SLC25A48: variants seen among roughly 807,000 people sequenced by gnomAD.
The protein encoded by SLC25A48 is CTC-321K16.1.
SLC25A48 carries 29 observed loss-of-function variants against 32.2 expected under a neutral mutation model. That is an observed-to-expected ratio of 0.90 (90% CI 0.67 to 1.23). The LOEUF is 1.23. Ranked by LOEUF, SLC25A48 falls within the 50% of genes most tolerant of loss-of-function variation. The pLI is 0.00. For missense variants in SLC25A48, 399 were observed against 422.7 expected (o/e 0.94, Z 0.49); for synonymous variants, 164 against 172.3 (o/e 0.95, Z 0.38).
intron 3 of SLC25A48, among the ~76,000 whole-genome samples, chr5:135,809,072 C>T (rs537767880): frequency 5.9e-5 from 9 of 151,774 alleles, no homozygotes; most frequent in East Asian, 1.9e-4. Context: ...GAGGCTAAGA[C>T]GGGAGGATCG....
chr5:135,841,943 G>T (rs1002423061), intron 1 of SLC25A48, among the ~76,000 whole-genome samples: 1 of 152,094 alleles, frequency 6.6e-6, no homozygotes, highest in African/African-American at 2.4e-5. Context: ...AATAATCAAT[G>T]CACCCATCTG....
intron 3 of SLC25A48, among the ~76,000 whole-genome samples, chr5:135,710,417 T>C (rs1754625308): frequency 6.6e-6 from 1 of 152,192 alleles, no homozygotes; most frequent in South Asian, 2.1e-4. Context: ...GCCATTGCCG[T>C]CTCTTTTGCT....
chr5:135,687,557 C>G (rs1310655195), intron 3 of SLC25A48, among the ~76,000 whole-genome samples: 5 of 152,052 alleles, frequency 3.3e-5, no homozygotes, highest in African/African-American at 1.2e-4. Flanking sequence ...CAATTCAGGT[C>G]AAGTCTTTTT....
intron 1 of SLC25A48, among the ~76,000 whole-genome samples, chr5:135,589,591 G>T (rs1439721968): frequency 2.6e-5 from 4 of 152,206 alleles, no homozygotes. Flanking sequence ...CAGTGTATTT[G>T]GTGGTTGATG....
upstream of SLC25A48, chr5:135,579,175 C>G (rs1751174847): frequency 3.1e-6 from 1 of 319,898 alleles, no homozygotes; most frequent in Non-Finnish European, 5.7e-6. Flanking sequence ...GCGGCGCACA[C>G]CCGGAGCCAC....
chr5:135,747,716 A>G (rs983851260), intron 3 of SLC25A48, among the ~76,000 whole-genome samples: 12 of 152,212 alleles, frequency 7.9e-5, no homozygotes, highest in African/African-American at 2.7e-4. Flanking sequence ...AGAAACATTT[A>G]TTAAACTGCA....
At chr5:135,753,825 C>T (rs761981790) in intron 3 of SLC25A48, among the ~76,000 whole-genome samples, 6 of 151,744 alleles carry the variant, frequency 4.0e-5, no homozygotes, top group Admixed American at 6.6e-5. Flanking sequence ...AGTCATATCT[C>T]GAGGACATTA....
chr5:135,817,976 T>A (rs551132003), intron 4 of SLC25A48, among the ~76,000 whole-genome samples: 2 of 151,628 alleles, frequency 1.3e-5, no homozygotes, highest in African/African-American at 2.4e-5. Context: ...AAAAACATTG[T>A]GGAGGAGAGG....
chr5:135,692,738 T>G (rs757451194), intron 3 of SLC25A48, among the ~76,000 whole-genome samples: 14 of 152,180 alleles, frequency 9.2e-5, no homozygotes, highest in African/African-American at 2.7e-4. Flanking sequence ...CAAATTTACA[T>G]GCAATGCAGC....
At chr5:135,792,468 G>A (rs1757057090) in intron 3 of SLC25A48, among the ~76,000 whole-genome samples, 1 of 151,594 alleles carries the variant, frequency 6.6e-6, no homozygotes, top group South Asian at 2.1e-4. Flanking sequence ...TATATTATTT[G>A]TAATATCTTA....
At chr5:135,659,939 T>C (rs1264366027) in intron 3 of SLC25A48, among the ~76,000 whole-genome samples, 1 of 152,198 alleles carries the variant, frequency 6.6e-6, no homozygotes, top group Admixed American at 6.5e-5. Context: ...CCACCCACCT[T>C]CGGGAATTAC....
At chr5:135,771,709 C>G (rs1275587657) in intron 3 of SLC25A48, among the ~76,000 whole-genome samples, 2 of 151,314 alleles carry the variant, frequency 1.3e-5, no homozygotes, top group Non-Finnish European at 3.0e-5. Flanking sequence ...GGTGTACATC[C>G]TCATGTGATA....
At chr5:135,845,840 C>T (rs770390436) in intron 2 of SLC25A48, among the ~76,000 whole-genome samples, 6 of 152,196 alleles carry the variant, frequency 3.9e-5, no homozygotes, top group Non-Finnish European at 2.9e-5. Context: ...GCTGCTGACC[C>T]AGGTGAAAGG....
At chr5:135,852,864 G>A (rs1418067660) in intron 4 of SLC25A48, 43 bp downstream of exon 4, 1 of 1,571,706 alleles carries the variant, frequency 6.4e-7, no homozygotes, top group African/African-American at 1.4e-5. Context: ...GGGACTTGTG[G>A]CCCTTTCCTG....
chr5:135,705,142 G>T (rs527644270), intron 3 of SLC25A48, among the ~76,000 whole-genome samples: 9 of 152,282 alleles, frequency 5.9e-5, no homozygotes, highest in African/African-American at 1.9e-4. Context: ...TCCTCCCTGC[G>T]GGCCTGTTCT....
intron 1 of SLC25A48, among the ~76,000 whole-genome samples, chr5:135,616,777 G>A (rs757853447): frequency 3.3e-5 from 5 of 152,138 alleles, no homozygotes; most frequent in Non-Finnish European, 7.4e-5. Context: ...GGGTCAGAGT[G>A]GAATGATATG....
At chr5:135,620,934 C>G (rs1440675424) in intron 1 of SLC25A48, among the ~76,000 whole-genome samples, 1 of 152,174 alleles carries the variant, frequency 6.6e-6, no homozygotes, top group Non-Finnish European at 1.5e-5. Context: ...TAGGGAGCCT[C>G]TCCAGACTCA....
At chr5:135,805,776 G>A (rs1015769910) in intron 3 of SLC25A48, among the ~76,000 whole-genome samples, 1 of 151,362 alleles carries the variant, frequency 6.6e-6, no homozygotes, top group African/African-American at 2.4e-5. Context: ...TAATATCCCA[G>A]TGGGTGTATA....
intron 1 of SLC25A48, among the ~76,000 whole-genome samples, chr5:135,623,218 G>C (rs541016766): frequency 5.9e-5 from 9 of 152,342 alleles, no homozygotes; most frequent in African/African-American, 2.2e-4. Flanking sequence ...TTAGCATAAA[G>C]AGTTTGCTCT....
Sources: gnomAD v4.1 joint callset for allele counts (sites outside exome capture counted in the v4.1 genomes callset) on GRCh38, gnomAD v4.1.1 for gene constraint, MANE v1.5 for transcripts, NCBI Gene and HGNC (gene_info 2026-07-23, HGNC 2026-07-21) for gene names.